RADIL: variants seen among roughly 807,000 people sequenced by gnomAD.
RADIL encodes the protein Rap associating with DIL domain, also known as ras-associating and dilute domain-containing protein.
Under a neutral mutation model 97.6 loss-of-function variants are expected in RADIL, and 99 were observed. That is an observed-to-expected ratio of 1.01 (90% CI 0.86 to 1.20). The LOEUF is 1.20. RADIL is among the 50% of genes most tolerant of loss of function. The pLI, the probability that RADIL is intolerant of heterozygous loss-of-function variation, is 0.00. For missense variants in RADIL, 1,765 were observed against 1,498.9 expected (o/e 1.18, Z -2.93); for synonymous variants, 803 against 691.8 (o/e 1.16, Z -2.52).
At chr7:4,882,506 A>G (rs1305980064) in intron 1 of RADIL, among the ~76,000 whole-genome samples, 1 of 152,112 alleles carries the variant, frequency 6.6e-6, no homozygotes, top group East Asian at 1.9e-4. Context: ...AAACAAGCTC[A>G]AGTCCCAGCG....
rs566272080 is a variant in RADIL, at chr7:4,818,646, G to A, written c.1616-1295C>T. ...AAGGTGGCCCGACGGCGCCCACAGC[G>A]AGTGCCGGCAAAGGATATTCACAGC... On this transcript the variant is annotated intron_variant, in intron 6 of 14. Coordinates refer to ENST00000399583, the MANE Select transcript of RADIL (RefSeq NM_018059.5). This position sits in a 1 kb window ranked among gnomAD's most constrained non-coding sequence, Gnocchi z 7.1. Among the ~76,000 whole-genome samples the A allele has an allele frequency of 2.4e-4, 36 of 152,314 alleles. No homozygotes were observed. The East Asian group carries it at 6.2e-3, about 26-fold the overall frequency.
At position 4,799,268 on chromosome 7, in the gene RADIL, A is replaced by T; in HGVS notation, c.*110T>A. On this transcript the variant is annotated 3_prime_UTR_variant, in exon 15 of 15. Transcript: ENST00000399583. ...GCATGTCCCCAGGGTGAGGCTCCCC[A>T]CCCGGGACCCAACTTGGTCAGTTAC... 9.9e-7 allele frequency: 1 copy of T among 1,011,688 alleles called. No individual in the cohort carries two copies. Among genetic ancestry groups the T allele is most frequent in the Non-Finnish European group, 1.5e-6 (1 of 668,722 alleles). The allele number at this position is 1,011,688 out of a possible 1,614,324, so 62.7% of individuals were successfully genotyped here. A position where few individuals can be genotyped will look rare whatever the true frequency, so the allele number is the denominator to read the frequency against.
At chr7:4,825,788 A>G (rs938740196) in intron 5 of RADIL, among the ~76,000 whole-genome samples, 8 of 148,468 alleles carry the variant, frequency 5.4e-5, no homozygotes, top group Admixed American at 4.1e-4. Context: ...AGGCAAAAGA[A>G]TTTCTTGAAC....
At chr7:4,882,825 G>A (rs767852752) in intron 1 of RADIL, among the ~76,000 whole-genome samples, 6 of 152,350 alleles carry the variant, frequency 3.9e-5, no homozygotes, top group Non-Finnish European at 5.9e-5. Flanking sequence ...GAATGCACAA[G>A]AGGTGGCCTA....
intron 9 of RADIL, among the ~76,000 whole-genome samples, chr7:4,807,664 CCCTCCCT>C (rs1436444862): frequency 1.1e-5 from 1 of 93,496 alleles, no homozygotes; most frequent in Non-Finnish European, 2.2e-5. Context: ...TCTCTGTCTC[CCCTCCCT>C]CCTCCCTCTC....
At position 4,815,132 on chromosome 7, in the gene RADIL, G is replaced by T; in HGVS notation, c.2139+146C>A. On this transcript the variant is annotated intron_variant, in intron 9 of 14. Coordinates refer to ENST00000399583, the MANE Select transcript of RADIL (RefSeq NM_018059.5). The surrounding 1 kb of genome is among the most constrained non-coding windows in gnomAD (Gnocchi z 8.0). Reference sequence around the variant, plus strand: ...AGGTGGACACAGCCATGGAATGGAAGCAACTTTTCTGATTACCTACGGTAG... The same window carrying T: ...AGGTGGACACAGCCATGGAATGGAATCAACTTTTCTGATTACCTACGGTAG... 9.7e-7 allele frequency: 1 copy of T among 1,026,976 alleles called. No individual in the cohort carries two copies. Among genetic ancestry groups the T allele is most frequent in the Non-Finnish European group, 1.4e-6 (1 of 730,144 alleles). The allele number at this position is 1,026,976 out of a possible 1,614,324, so 63.6% of individuals were successfully genotyped here.
At chr7:4,845,513 T>C (rs1030930390) in intron 2 of RADIL, among the ~76,000 whole-genome samples, 5 of 152,158 alleles carry the variant, frequency 3.3e-5, no homozygotes, top group African/African-American at 9.7e-5. Context: ...ATGCATACAC[T>C]AAGAAAACAC....
intron 2 of RADIL, among the ~76,000 whole-genome samples, chr7:4,870,645 T>C (rs1784231541): frequency 6.6e-6 from 1 of 152,158 alleles, no homozygotes; most frequent in South Asian, 2.1e-4. Flanking sequence ...GATTTCACCA[T>C]GTTGGCCAGG....
chr7:4,861,865 C>G, intron 2 of RADIL: 3 of 1,256,634 alleles, frequency 2.4e-6, no homozygotes, highest in Non-Finnish European at 3.2e-6. Context: ...CCTTCGCGGC[C>G]GCCGCCCGGG....
rs1200384874 is a variant in RADIL at position 4,800,262 on chromosome 7, C to CGGCTGGACGG, written c.2881_2890dup (p.Arg964ProfsTer147). 28 of 1,548,818 alleles carry CGGCTGGACGG rather than the reference C, an allele frequency of 1.8e-5. No homozygotes were observed. Among genetic ancestry groups the CGGCTGGACGG allele is most frequent in the East Asian group, 1.4e-4 (6 of 42,232 alleles). ...GCAGAAGTCCTCGGTGCTGGAGCTG[C>CGGCTGGACGG]GGCTGGACGGGGCTGGAGGGGACTC... On this transcript the variant is annotated frameshift_variant, in exon 13 of 15. Transcript: ENST00000399583. LOFTEE classifies it high-confidence loss of function.
chr7:4,827,915 C>CA (rs200854596), intron 5 of RADIL, among the ~76,000 whole-genome samples: 5,259 of 148,298 alleles, frequency 0.035, 148 homozygotes, highest in African/African-American at 0.068. Flanking sequence ...AACAAACAAA[C>CA]AAAAAAAAAC....
In RADIL at chr7:4,799,673, G is replaced by C. The variant is rs752654471; in HGVS notation, c.3079C>G (p.Leu1027Val). 1.1e-5 allele frequency: 17 copies of C among 1,595,100 alleles called. No individual in the cohort carries two copies. The highest frequency in any genetic ancestry group is 1.5e-5 in the Non-Finnish European group (17 of 1,171,996). ...DGRLSLGDRI[L>V]EVNGSSLLGL... ...AGGAGGCTGCTGCCATTCACCTCCA[G>C]GATACGGTCCCCCAGCGACAGGCGC... The change falls in exon 14 of 15, where the codon CTG (leucine) becomes GTG (valine). Residue 1027 changes from leucine (L) to valine (V), a missense_variant. Coordinates refer to ENST00000399583, the MANE Select transcript of RADIL (RefSeq NM_018059.5).
Position 4,801,741 on chromosome 7 carries a change from G to C in RADIL, c.2754C>G (p.Asp918Glu), listed in dbSNP as rs749259166. 57 of 1,610,644 alleles carry C rather than the reference G, an allele frequency of 3.5e-5. No individual in the cohort carries two copies. The highest frequency in any genetic ancestry group is 1.6e-4 in the Middle Eastern group (1 of 6,064). ...CACAGGGGCCGCCGGACTCTGGCCA[G>C]TCGGGGTCCCCAGGCTCAGGGCCAA... The part of the protein sequence containing the change: ...TPLGPEPGDP[D>E]WPESGGPCGK... The change falls in exon 12 of 15, where the codon GAC becomes GAG. Residue 918 changes from aspartate (D) to glutamate (E), a missense_variant. Asp to Glu is a conservative substitution (Grantham distance 45). Transcript: ENST00000399583.
intron 4 of RADIL, 174 bp from the exon 5 acceptor site, chr7:4,832,352 A>G (rs909599292): frequency 7.7e-6 from 5 of 645,368 alleles, no homozygotes; most frequent in Non-Finnish European, 1.1e-5. Flanking sequence ...TGTGACTTCA[A>G]CATCTTCCCA....
chr7:4,863,991 G>C (rs919236353), intron 2 of RADIL, among the ~76,000 whole-genome samples: 4 of 152,106 alleles, frequency 2.6e-5, no homozygotes, highest in African/African-American at 9.7e-5. Context: ...TGGGTACTCA[G>C]CTATGCATTC....
chr7:4,832,458 G>C (rs1562441860), intron 4 of RADIL, among the ~76,000 whole-genome samples: 1 of 152,150 alleles, frequency 6.6e-6, no homozygotes, highest in Non-Finnish European at 1.5e-5. Context: ...AATAGTAGAG[G>C]CTGGGCAAGG....
chr7:4,860,280 T>G (rs1462611834), intron 2 of RADIL: 15 of 1,613,790 alleles, frequency 9.3e-6, no homozygotes, highest in Non-Finnish European at 1.3e-5. Flanking sequence ...CTACCTTCTG[T>G]TGAGTGTGCT....
chr7:4,822,355 G>T lies in RADIL; in HGVS notation c.1615+39C>A. The T allele has an allele frequency of 5.1e-6, 8 of 1,582,066 alleles. No individual in the cohort carries two copies. The highest frequency in any genetic ancestry group is 6.9e-6 in the Non-Finnish European group (8 of 1,164,480). On this transcript the variant is annotated intron_variant, in intron 6 of 14. Coordinates refer to ENST00000399583, the MANE Select transcript of RADIL (RefSeq NM_018059.5). The surrounding 1 kb of genome is among the most constrained non-coding windows in gnomAD (Gnocchi z 5.3). Reference sequence around the variant, plus strand: ...GGAGATGCCACACTCCCCTGCCTGGGGTGCTGGCGGGGGGAATGGAGGGCA... The same window carrying T: ...GGAGATGCCACACTCCCCTGCCTGGTGTGCTGGCGGGGGGAATGGAGGGCA...
In RADIL at chr7:4,813,944, T is replaced by C. The variant is rs1477642815; in HGVS notation, c.2139+1334A>G. Among the ~76,000 whole-genome samples, 3 of 152,218 alleles carry C rather than the reference T, an allele frequency of 2.0e-5. No homozygotes were observed. Among genetic ancestry groups the C allele is most frequent in the Admixed American group, 6.5e-5 (1 of 15,280 alleles). On this transcript the variant is annotated intron_variant, in intron 9 of 14. Coordinates refer to ENST00000399583, the MANE Select transcript of RADIL (RefSeq NM_018059.5). This position sits in a 1 kb window ranked among gnomAD's most constrained non-coding sequence, Gnocchi z 5.0. ...ACTGGGTTGCTTCTCAGGAGTCAGA[T>C]TGCTTTTTTCTTTTTTGTAGAGATG...
Sources: allele counts gnomAD v4.1 joint callset (sites outside exome capture counted in the v4.1 genomes callset), GRCh38; gene constraint gnomAD v4.1.1; non-coding constraint Gnocchi (gnomAD v3.1); transcripts MANE v1.5; gene names NCBI Gene and HGNC (gene_info 2026-07-23, HGNC 2026-07-21).